Variants in PRDM10 observed in about 807,000 individuals in gnomAD.
PRDM10 encodes the protein PR/SET domain 10.
A neutral mutation model predicts 133.1 loss-of-function variants in PRDM10; 65 were observed. That is an observed-to-expected ratio of 0.49 (90% CI 0.40 to 0.60). PRDM10 has a LOEUF of 0.60. PRDM10 is among the 20% of genes least tolerant of loss of function. The probability of loss-of-function intolerance (pLI) is 0.00; values close to 1 mark genes in which losing one functional copy is unlikely to be tolerated. For missense variants in PRDM10, 1,137 were observed against 1,507.1 expected (o/e 0.75, Z 4.07); for synonymous variants, 582 against 580.4 (o/e 1.00, Z -0.04).
chr11:129,919,956 G>A (rs1174736882), intron 13 of PRDM10, among the ~76,000 whole-genome samples: 8 of 152,150 alleles, frequency 5.3e-5, no homozygotes, highest in African/African-American at 1.9e-4. Flanking sequence ...GCCCAGGAGG[G>A]AATGTTCAGC....
At chr11:129,942,290 G>A (rs1253596158) in intron 7 of PRDM10, 136 bp downstream of exon 7, 1 of 736,540 alleles carries the variant, frequency 1.4e-6, no homozygotes, top group Non-Finnish European at 2.2e-6. Context: ...TACTCAATAA[G>A]TATGTGAATA....
intron 7 of PRDM10, among the ~76,000 whole-genome samples, chr11:129,938,468 T>A (rs1167102651): frequency 6.6e-6 from 1 of 152,170 alleles, no homozygotes; most frequent in East Asian, 1.9e-4. Flanking sequence ...TCCGCTTGCT[T>A]CTATATGCCT....
At chr11:129,929,435 A>G in intron 11 of PRDM10, 1 of 1,557,282 alleles carries the variant, frequency 6.4e-7, no homozygotes, top group South Asian at 1.2e-5. Flanking sequence ...AGCAGGCAGC[A>G]TTAGAGGAGA....
At chr11:129,984,282 G>A (rs1765975070) in intron 1 of PRDM10, among the ~76,000 whole-genome samples, 1 of 152,204 alleles carries the variant, frequency 6.6e-6, no homozygotes, top group Admixed American at 6.5e-5. Flanking sequence ...GCACCAGCTA[G>A]CATGTGCTAG....
intron 17 of PRDM10, among the ~76,000 whole-genome samples, chr11:129,912,799 C>G (rs1408080465): frequency 6.6e-6 from 1 of 150,464 alleles, no homozygotes; most frequent in Admixed American, 6.6e-5. Flanking sequence ...GTGGCTCACC[C>G]CTGTAATCCC....
Position 129,931,106 on chromosome 11 carries a change from G to T in PRDM10, c.1440C>A (p.Thr480=). 2 of 1,614,222 alleles carry T rather than the reference G, an allele frequency of 1.2e-6. No individual in the cohort carries two copies. The highest frequency in any genetic ancestry group is 1.7e-6 in the Non-Finnish European group (2 of 1,180,034). ...CTTCATGCTGCGGCTGCAGGTGCAG[G>T]GTGTGAGTTTCTGGTTCATGTTCCA... ...SSLEHEPETH[T]LHLQPQHEES... Residue 480 remains threonine (T), a synonymous_variant, in exon 11 of 21, where the codon ACC becomes ACA. Transcript: ENST00000360871.
chr11:129,946,280 AAAAAG>A (rs1162157319), intron 5 of PRDM10, among the ~76,000 whole-genome samples: 1 of 152,028 alleles, frequency 6.6e-6, no homozygotes, highest in Non-Finnish European at 1.5e-5. Context: ...AAAAACAAAC[AAAAAG>A]AAAAGAAAAG....
chr11:129,904,439 A>G (rs796864019), intron 20 of PRDM10, among the ~76,000 whole-genome samples: 23 of 152,332 alleles, frequency 1.5e-4, no homozygotes, highest in African/African-American at 5.1e-4. Flanking sequence ...ACAATACATT[A>G]TGAACACAGC....
chr11:129,936,478 C>G (rs1021575136), intron 8 of PRDM10, among the ~76,000 whole-genome samples: 2 of 151,878 alleles, frequency 1.3e-5, no homozygotes, highest in African/African-American at 2.4e-5. Flanking sequence ...ACAGTGAAAC[C>G]CTGTCTCTAC....
At chr11:129,941,439 G>A (rs1951201844) in intron 7 of PRDM10, among the ~76,000 whole-genome samples, 1 of 152,166 alleles carries the variant, frequency 6.6e-6, no homozygotes, top group South Asian at 2.1e-4. Flanking sequence ...GATCCTTTGA[G>A]TAAAACATTC....
At chr11:129,935,336 T>C (rs1490886117) in intron 8 of PRDM10, 118 bp from the exon 9 acceptor site, 1 of 717,672 alleles carries the variant, frequency 1.4e-6, no homozygotes, top group Non-Finnish European at 2.4e-6. Flanking sequence ...CATAACTATA[T>C]AGTATCTGCT....
In PRDM10 at chr11:129,918,532, C is replaced by T; in HGVS notation, c.2214+7G>A. The T allele has an allele frequency of 1.2e-6, 2 of 1,612,734 alleles. No homozygotes were observed. The highest frequency in any genetic ancestry group is 1.7e-6 in the Non-Finnish European group (2 of 1,179,336). On this transcript the variant is annotated splice_region_variant and intron_variant, in intron 14 of 20. Coordinates refer to ENST00000360871, the MANE Select transcript of PRDM10 (RefSeq NM_199437.2). The surrounding 1 kb of genome is among the most constrained non-coding windows in gnomAD (Gnocchi z 5.3). ...GACAGAGGAACCCGCAGCCACTGGG[C>T]ACTGACCAGCATGCCGCGCCGCCGG... is the stretch of plus-strand genomic sequence containing the variant.
rs1951359879 is a variant in PRDM10, at chr11:129,944,993, G to A, written c.540C>T (p.Asn180=). ...GCTTCGGACACACTGAAGCATGCGC[G>A]TTATTGCACTCCTCACACCCTGCAA... ...PHDLWCEECN[N]AHASVCPKHG... The change falls in exon 6 of 21, where the codon AAC becomes AAT. Residue 180 remains asparagine, a synonymous_variant. Coordinates refer to ENST00000360871, the MANE Select transcript of PRDM10 (RefSeq NM_199437.2). The A allele has an allele frequency of 1.2e-6, 2 of 1,612,430 alleles. No homozygotes were observed. Among genetic ancestry groups the A allele is most frequent in the African/African-American group, 2.7e-5 (2 of 74,826 alleles).
intron 7 of PRDM10, among the ~76,000 whole-genome samples, chr11:129,939,743 A>G (rs903507897): frequency 3.3e-5 from 5 of 152,258 alleles, no homozygotes; most frequent in Non-Finnish European, 2.9e-5. Context: ...AAGCCATGCA[A>G]GGCTGGCGTG....
At chr11:129,948,392 C>T (rs969089169) in intron 4 of PRDM10, among the ~76,000 whole-genome samples, 3 of 152,172 alleles carry the variant, frequency 2.0e-5, no homozygotes, top group African/African-American at 7.2e-5. Context: ...AATACTCTTT[C>T]CTCAGCCACC....
chr11:129,916,498 C>T (rs911300178), intron 15 of PRDM10, among the ~76,000 whole-genome samples: 2 of 152,070 alleles, frequency 1.3e-5, no homozygotes, highest in South Asian at 2.1e-4. Flanking sequence ...ATTAGTTGGG[C>T]GTGGGGGCTG....
intron 18 of PRDM10, 113 bp from the exon 19 acceptor site, chr11:129,910,769 A>G: frequency 1.0e-6 from 1 of 1,004,694 alleles, no homozygotes; most frequent in Non-Finnish European, 1.4e-6. Context: ...TACTGAAACT[A>G]TCGTTGCTAT....
chr11:129,913,080 C>T (rs1336877323), intron 17 of PRDM10, among the ~76,000 whole-genome samples: 2 of 150,538 alleles, frequency 1.3e-5, no homozygotes, highest in East Asian at 2.0e-4. Context: ...AATAGCCAGG[C>T]ATGGTGGCAT....
intron 4 of PRDM10, among the ~76,000 whole-genome samples, chr11:129,948,502 C>T (rs1024656707): frequency 1.1e-4 from 17 of 152,158 alleles, no homozygotes; most frequent in African/African-American, 2.7e-4. Context: ...GCCCTTGGAG[C>T]CATAGAATCC....
Sources: allele counts gnomAD v4.1 joint callset (sites outside exome capture counted in the v4.1 genomes callset), GRCh38; gene constraint gnomAD v4.1.1; non-coding constraint Gnocchi (gnomAD v3.1); transcripts MANE v1.5; gene names NCBI Gene and HGNC (gene_info 2026-07-23, HGNC 2026-07-21).